CAST: variants seen among roughly 807,000 people sequenced by gnomAD.
CAST encodes MIR583 host.
A neutral mutation model predicts 119.6 loss-of-function variants in CAST; 76 were observed. That is an observed-to-expected ratio of 0.64 (90% CI 0.53 to 0.77). The LOEUF is 0.77. CAST is among the 30% of genes least tolerant of loss of function. CAST has a pLI of 0.00. For synonymous variants in CAST, 319 were observed against 331.6 expected (o/e 0.96, Z 0.41); for missense variants, 953 against 946.5 (o/e 1.01, Z -0.09).
intron 2 of CAST, among the ~76,000 whole-genome samples, chr5:96,680,940 C>T (rs1383052640): frequency 2.0e-5 from 3 of 152,158 alleles, no homozygotes; most frequent in African/African-American, 4.8e-5. Flanking sequence ...AAAGCTAAGC[C>T]GAAAAGCTGC....
chr5:96,685,502 C>T (rs1561471778), intron 2 of CAST, among the ~76,000 whole-genome samples: 1 of 152,148 alleles, frequency 6.6e-6, no homozygotes, highest in Admixed American at 6.5e-5. Flanking sequence ...TAACAAAATA[C>T]ATAATGGCTT....
chr5:96,271,667 AC>A, the CAST span, among the ~76,000 whole-genome samples: 3 of 151,954 alleles, frequency 2.0e-5, no homozygotes, highest in South Asian at 2.1e-4. Flanking sequence ...AAAAAAAAAA[AC>A]ATTGAAGAAA....
At chr5:96,432,202 A>AAGCC in the CAST span, 2 of 1,352,984 alleles carry the variant, frequency 1.5e-6, no homozygotes, top group Non-Finnish European at 1.0e-6. Flanking sequence ...TCCCAGTGAA[A>AAGCC]AGCCGGAGCT....
At chr5:96,411,173 G>A in the CAST span, among the ~76,000 whole-genome samples, 1 of 152,222 alleles carries the variant, frequency 6.6e-6, no homozygotes, top group African/African-American at 2.4e-5. Flanking sequence ...ATAAGCCACT[G>A]GACTCTGGCC....
the CAST span, chr5:96,429,429 G>A: frequency 4.6e-6 from 3 of 648,248 alleles, no homozygotes; most frequent in East Asian, 2.8e-5. Flanking sequence ...GCCCATTCCT[G>A]GTATCTGAAA....
the CAST span, chr5:96,379,532 A>G: frequency 1.3e-5 from 2 of 152,184 alleles, no homozygotes; most frequent in Non-Finnish European, 2.9e-5. Context: ...ACAGATATGA[A>G]TGTAAAAACC....
chr5:96,666,144 G>A (rs1476537309), intron 1 of CAST, among the ~76,000 whole-genome samples: 4 of 152,088 alleles, frequency 2.6e-5, no homozygotes. Context: ...AGATGTGTTC[G>A]TTTAACAGCA....
chr5:96,502,323 TATA>T, the CAST span, among the ~76,000 whole-genome samples: 3 of 152,090 alleles, frequency 2.0e-5, no homozygotes, highest in African/African-American at 7.3e-5. Flanking sequence ...TGCTTTTGTT[TATA>T]TTATTATTTG....
At chr5:96,027,603 G>A in the CAST span, among the ~76,000 whole-genome samples, 3 of 152,084 alleles carry the variant, frequency 2.0e-5, no homozygotes, top group Admixed American at 1.3e-4. Context: ...CAATGTAAAT[G>A]AGCCAACTTC....
At chr5:96,345,119 G>A in the CAST span, among the ~76,000 whole-genome samples, 2 of 151,986 alleles carry the variant, frequency 1.3e-5, no homozygotes, top group Admixed American at 1.3e-4. Context: ...TATTTAATCA[G>A]TCTGTTATTG....
Position 96,766,679 on chromosome 5 carries a change from CAT to C in CAST, c.2130+535_2130+536del, listed in dbSNP as rs1184893087. 4.6e-5 allele frequency among the ~76,000 whole-genome samples: 7 copies of C among 152,344 alleles called. No homozygotes were observed. In the East Asian group the frequency reaches 1.3e-3, roughly 29 times the overall value. ...AAAGTCCCTGGCCTTTTGTCTCCCA[CAT>C]GATAGAGGCCAGTCTTTCGTAGGTC... is the stretch of plus-strand genomic sequence containing the variant. On this transcript the variant is annotated intron_variant, in intron 27 of 31. Coordinates refer to ENST00000675179, the MANE Select transcript of CAST (RefSeq NM_001750.7).
At chr5:95,997,963 G>GTTTTT in the CAST span, among the ~76,000 whole-genome samples, 19 of 93,602 alleles carry the variant, frequency 2.0e-4, no homozygotes, top group Non-Finnish European at 3.1e-4. Flanking sequence ...TTGAGAGAGG[G>GTTTTT]TTTTTTTTTT....
At chr5:96,364,094 C>G in the CAST span, among the ~76,000 whole-genome samples, 77 of 152,140 alleles carry the variant, frequency 5.1e-4, no homozygotes, top group East Asian at 4.8e-3. Flanking sequence ...AGATAATCAT[C>G]TGGTTTTTGT....
chr5:96,046,395 T>A, the CAST span, among the ~76,000 whole-genome samples: 1 of 152,186 alleles, frequency 6.6e-6, no homozygotes, highest in African/African-American at 2.4e-5. Context: ...ACTCTGCACC[T>A]AAGTTGTGGG....
chr5:96,625,244 T>A (rs750063806), intron 1 of CAST, among the ~76,000 whole-genome samples: 1 of 152,154 alleles, frequency 6.6e-6, no homozygotes. Context: ...ATAATGATGT[T>A]TCTTGTTAAA....
chr5:96,507,714 C>T, the CAST span, among the ~76,000 whole-genome samples: 1 of 152,044 alleles, frequency 6.6e-6, no homozygotes, highest in Non-Finnish European at 1.5e-5. Flanking sequence ...ATTTGTAAGC[C>T]TCGGATGCAA....
the CAST span, among the ~76,000 whole-genome samples, chr5:96,149,837 T>G: frequency 6.6e-6 from 1 of 152,228 alleles, no homozygotes; most frequent in Non-Finnish European, 1.5e-5. Context: ...AACAAAAACT[T>G]TAGCTCTAAG....
chr5:96,758,529 T>G (rs544852448), intron 24 of CAST, among the ~76,000 whole-genome samples: 1 of 152,326 alleles, frequency 6.6e-6, no homozygotes, highest in East Asian at 1.9e-4. Context: ...AATGTATTAT[T>G]AGCAGTCAGT....
At chr5:96,086,956 T>C in the CAST span, among the ~76,000 whole-genome samples, 1 of 152,238 alleles carries the variant, frequency 6.6e-6, no homozygotes, top group Non-Finnish European at 1.5e-5. Flanking sequence ...TTAGTAAACA[T>C]TCCTACTACC....
Sources: allele counts gnomAD v4.1 joint callset (sites outside exome capture counted in the v4.1 genomes callset), GRCh38; gene constraint gnomAD v4.1.1; transcripts MANE v1.5; gene names NCBI Gene and HGNC (gene_info 2026-07-23, HGNC 2026-07-21).